Variants in PAPSS1 observed in about 807,000 individuals in gnomAD.
The protein encoded by PAPSS1 is 3'-phosphoadenosine 5'-phosphosulfate synthase 1, also known as bifunctional 3'-phosphoadenosine 5'-phosphosulfate synthase 1.
Under a neutral mutation model 72.0 loss-of-function variants are expected in PAPSS1, and 50 were observed. That is an observed-to-expected ratio of 0.69 (90% CI 0.55 to 0.88). The LOEUF (loss-of-function observed/expected upper bound fraction) is 0.88, where lower values mean the gene tolerates loss of function less well. Among genes scored for constraint, PAPSS1 ranks in the 40% least tolerant of loss-of-function variants. PAPSS1 has a pLI of 0.00. For missense variants in PAPSS1, 657 were observed against 782.2 expected (o/e 0.84, Z 1.91); for synonymous variants, 261 against 263.6 (o/e 0.99, Z 0.09).
intron 5 of PAPSS1, among the ~76,000 whole-genome samples, chr4:107,673,830 C>T (rs997635839): frequency 6.6e-6 from 1 of 152,218 alleles, no homozygotes; most frequent in African/African-American, 2.4e-5. Context: ...GGAAGCCCAT[C>T]AGACTAACAG....
chr4:107,616,926 A>G (rs1400448370), intron 11 of PAPSS1, among the ~76,000 whole-genome samples: 1 of 152,164 alleles, frequency 6.6e-6, no homozygotes, highest in Non-Finnish European at 1.5e-5. Context: ...TGCCCTTCAT[A>G]ATGATCTCAT....
intron 5 of PAPSS1, among the ~76,000 whole-genome samples, chr4:107,671,769 G>A (rs938305732): frequency 6.6e-6 from 1 of 151,974 alleles, no homozygotes; most frequent in African/African-American, 2.4e-5. Flanking sequence ...TATCATCTCT[G>A]GATTACATAT....
chr4:107,699,401 AACAG>A (rs369833214), intron 2 of PAPSS1, among the ~76,000 whole-genome samples: 94 of 152,306 alleles, frequency 6.2e-4, no homozygotes, highest in African/African-American at 2.2e-3. Context: ...TTAACAGAGG[AACAG>A]ACAAATATAT....
Position 107,644,649 on chromosome 4 carries a change from G to T in PAPSS1, c.1506+153C>A, listed in dbSNP as rs17037943. On this transcript the variant is annotated intron_variant, in intron 10 of 11. Transcript: ENST00000265174. ...CTCAAGGCTGCCCCTAGCATCCAGG[G>T]AATATCCCTAACGAGCAGGAAAGAA... is the stretch of plus-strand genomic sequence containing the variant. 3.9e-5 allele frequency among the ~76,000 whole-genome samples: 6 copies of T among 151,998 alleles called. No homozygotes were observed. The East Asian group carries it at 1.2e-3, about 29-fold the overall frequency.
At chr4:107,653,105 A>C (rs558850906) in intron 9 of PAPSS1, among the ~76,000 whole-genome samples, 5 of 144,834 alleles carry the variant, frequency 3.5e-5, no homozygotes, top group South Asian at 4.3e-4. Flanking sequence ...ATACATATGA[A>C]TATATATGAA....
chr4:107,622,515 G>A (rs956888248), intron 11 of PAPSS1, among the ~76,000 whole-genome samples: 1 of 152,062 alleles, frequency 6.6e-6, no homozygotes, highest in African/African-American at 2.4e-5. Flanking sequence ...CCCTACAATG[G>A]TTTCAAAAGA....
At chr4:107,652,415 C>T (rs1322696281) in intron 9 of PAPSS1, among the ~76,000 whole-genome samples, 1 of 152,132 alleles carries the variant, frequency 6.6e-6, no homozygotes, top group Non-Finnish European at 1.5e-5. Flanking sequence ...ACCTCTGTGT[C>T]AAAGACCTAA....
rs148756122 is a variant in PAPSS1 at position 107,654,781 on chromosome 4, G to A, written c.1015C>T (p.Arg339Cys). The change falls in exon 8 of 12, where the codon CGC becomes TGC. Residue 339 changes from arginine to cysteine, a missense_variant. This residue lies in a region of PAPSS1 where 190 missense variants were observed against 176.7 expected (regional missense o/e 1.07). Coordinates refer to ENST00000265174, the MANE Select transcript of PAPSS1 (RefSeq NM_005443.5). Reference sequence around the variant, plus strand: ...CTGTGCTCAAAAAACTCTGGATTGCGAAGAATGGCCACACGGCGGCCCTCA... The same window carrying A: ...CTGTGCTCAAAAAACTCTGGATTGCAAAGAATGGCCACACGGCGGCCCTCA... Reference protein sequence around the residue: ...MYEGRRVAILRNPEFFEHRKE... With the variant: ...MYEGRRVAILCNPEFFEHRKE... The A allele has an allele frequency of 1.9e-5, 31 of 1,613,868 alleles. No homozygotes were observed. Among genetic ancestry groups the A allele is most frequent in the African/African-American group, 4.0e-5 (3 of 74,896 alleles).
chr4:107,665,880 A>G (rs1248234584), intron 5 of PAPSS1, among the ~76,000 whole-genome samples: 3 of 152,194 alleles, frequency 2.0e-5, no homozygotes, highest in East Asian at 1.9e-4. Context: ...TGAAAGTGGT[A>G]GCTCTCGCCT....
chr4:107,714,452 ATTAC>A, intron 1 of PAPSS1, among the ~76,000 whole-genome samples: 1 of 152,276 alleles, frequency 6.6e-6, no homozygotes, highest in South Asian at 2.1e-4. Flanking sequence ...ATTTGAACTA[ATTAC>A]TTAATCTGAT....
intron 5 of PAPSS1, among the ~76,000 whole-genome samples, chr4:107,666,040 C>T (rs1727307391): frequency 6.6e-6 from 1 of 152,166 alleles, no homozygotes; most frequent in Admixed American, 6.5e-5. Flanking sequence ...TTTTATGTAA[C>T]TATTAAATTT....
At chr4:107,641,747 C>T (rs1045593769) in intron 10 of PAPSS1, among the ~76,000 whole-genome samples, 5 of 152,172 alleles carry the variant, frequency 3.3e-5, no homozygotes, top group African/African-American at 4.8e-5. Context: ...CTAGGACACA[C>T]GCTCTGACAT....
intron 5 of PAPSS1, among the ~76,000 whole-genome samples, chr4:107,674,974 T>C (rs563316140): frequency 7.9e-5 from 12 of 152,264 alleles, no homozygotes; most frequent in African/African-American, 2.6e-4. Context: ...AAAGATGTTC[T>C]TTGAAACCAA....
intron 10 of PAPSS1, among the ~76,000 whole-genome samples, chr4:107,635,049 T>C (rs764559036): frequency 7.2e-4 from 109 of 152,208 alleles, no homozygotes; most frequent in South Asian, 3.3e-3. Flanking sequence ...CCGCCCGCCT[T>C]GGCCTCCCAA....
chr4:107,681,241 G>T (rs1285305064), intron 5 of PAPSS1, among the ~76,000 whole-genome samples: 1 of 152,052 alleles, frequency 6.6e-6, no homozygotes, highest in African/African-American at 2.4e-5. Flanking sequence ...CTTTTTCTGT[G>T]TACCCCTAGG....
intron 9 of PAPSS1, among the ~76,000 whole-genome samples, chr4:107,645,995 C>A (rs573127183): frequency 6.6e-6 from 1 of 152,166 alleles, no homozygotes; most frequent in South Asian, 2.1e-4. Flanking sequence ...TTTTGTTTTG[C>A]CACATCATGT....
intron 4 of PAPSS1, 56 bp downstream of exon 4, chr4:107,686,983 A>G: frequency 1.4e-6 from 2 of 1,474,334 alleles, no homozygotes; most frequent in Non-Finnish European, 1.9e-6. Flanking sequence ...TCAATCCTAG[A>G]TATGGGAACA....
At chr4:107,629,833 T>C (rs963683181) in intron 11 of PAPSS1, among the ~76,000 whole-genome samples, 2 of 152,214 alleles carry the variant, frequency 1.3e-5, no homozygotes, top group Admixed American at 6.5e-5. Flanking sequence ...TTGAGAAAGT[T>C]AGCCAAATCT....
intron 11 of PAPSS1, among the ~76,000 whole-genome samples, chr4:107,620,089 TG>T (rs1422764405): frequency 1.3e-4 from 20 of 152,224 alleles, no homozygotes; most frequent in African/African-American, 4.3e-4. Flanking sequence ...GGACAAGAGC[TG>T]GGGTCAGCAG....
Sources: gnomAD v4.1 joint callset for allele counts (sites outside exome capture counted in the v4.1 genomes callset) on GRCh38, gnomAD v4.1.1 for gene constraint, gnomAD v4.1.1 regional missense constraint, MANE v1.5 for transcripts, NCBI Gene and HGNC (gene_info 2026-07-23, HGNC 2026-07-21) for gene names.